POLR3H: variants seen among roughly 807,000 people sequenced by gnomAD.
POLR3H encodes the protein RNA polymerase III subunit H.
POLR3H carries 17 observed loss-of-function variants against 25.5 expected under a neutral mutation model. The ratio of observed to expected loss-of-function variants is 0.67; its 90% CI spans 0.46 to 1.00. The LOEUF (loss-of-function observed/expected upper bound fraction) is 1.00. Among genes scored for constraint, POLR3H ranks in the 50% least tolerant of loss-of-function variants. The pLI, the probability that POLR3H is intolerant of heterozygous loss-of-function variation, is 0.00. For missense variants in POLR3H, 274 were observed against 265.0 expected (o/e 1.03, Z -0.24); for synonymous variants, 129 against 103.0 (o/e 1.25, Z -1.53).
rs950851662 is a variant in POLR3H at position 41,533,537 on chromosome 22, G to A, written c.209-792C>T. On this transcript the variant is annotated intron_variant, in intron 2 of 5. Coordinates refer to ENST00000355209, the MANE Select transcript of POLR3H (RefSeq NM_001018050.4). Reference sequence around the variant, plus strand: ...CTGTACCCACCAGACAGGGCCACCGGGTCGAATCTTGCCTTCCTCAGACAG... The same window carrying A: ...CTGTACCCACCAGACAGGGCCACCGAGTCGAATCTTGCCTTCCTCAGACAG... The A allele has an allele frequency of 1.0e-5, 13 of 1,246,460 alleles. No individual in the cohort carries two copies. The African/African-American group carries it at 1.9e-4, about 18-fold the overall frequency. The allele number at this position is 1,246,460 out of a possible 1,614,324, so 77.2% of individuals were successfully genotyped here.
intron 2 of POLR3H, among the ~76,000 whole-genome samples, chr22:41,533,866 G>A (rs906410635): frequency 6.6e-6 from 1 of 152,206 alleles, no homozygotes; most frequent in African/African-American, 2.4e-5. Context: ...AGGCCGGGCG[G>A]GGTGGCTCAA....
chr22:41,536,293 G>A (rs2145558993), intron 2 of POLR3H, among the ~76,000 whole-genome samples: 1 of 151,804 alleles, frequency 6.6e-6, no homozygotes, highest in East Asian at 2.0e-4. Context: ...TACTCGGGAG[G>A]CTGAGGCAGG....
In POLR3H at chr22:41,527,835, G is replaced by T; in HGVS notation, c.*1448C>A. The T allele has an allele frequency of 6.2e-7, 1 of 1,612,080 alleles. No homozygotes were observed. Among genetic ancestry groups the T allele is most frequent in the South Asian group, 1.1e-5 (1 of 90,964 alleles). On this transcript the variant is annotated 3_prime_UTR_variant, in exon 6 of 6. Transcript: ENST00000355209. ...GGGGCATCTCCCAGAGCCCCAGATG[G>T]GTTCAGAAAATGAAGCTCTCCAGGC...
intron 1 of POLR3H, among the ~76,000 whole-genome samples, chr22:41,543,561 C>T (rs1192020330): frequency 6.6e-6 from 1 of 152,126 alleles, no homozygotes; most frequent in Non-Finnish European, 1.5e-5. Context: ...GCGGAGGTTG[C>T]AGTGAGCCGA....
In POLR3H at chr22:41,527,813, G is replaced by A; in HGVS notation, c.*1470C>T. 4 of 1,596,204 alleles carry A rather than the reference G, an allele frequency of 2.5e-6. No homozygotes were observed. In the South Asian group the frequency reaches 3.4e-5, roughly 13 times the overall value. On this transcript the variant is annotated 3_prime_UTR_variant, in exon 6 of 6. Coordinates refer to ENST00000355209, the MANE Select transcript of POLR3H (RefSeq NM_001018050.4). Reference sequence around the variant, plus strand: ...ATTGTCCCAGGCAGCAGGATTAGGGGCATCTCCCAGAGCCCCAGATGGGTT... The same window carrying A: ...ATTGTCCCAGGCAGCAGGATTAGGGACATCTCCCAGAGCCCCAGATGGGTT...
At chr22:41,529,670 G>C in intron 5 of POLR3H, 1 of 629,564 alleles carries the variant, frequency 1.6e-6, no homozygotes, top group Non-Finnish European at 3.0e-6. Context: ...ATCCAACAGG[G>C]AGCAGCCTTG....
At position 41,528,606 on chromosome 22, in the gene POLR3H, A is replaced by T; in HGVS notation, c.*677T>A. 6.2e-7 allele frequency: 1 copy of T among 1,609,284 alleles called. No homozygotes were observed. Among genetic ancestry groups the T allele is most frequent in the Non-Finnish European group, 8.5e-7 (1 of 1,179,220 alleles). ...GCCCTCAACAGAATGAAGGAACTGC[A>T]ACAGTGAGGGCAGTGCCTCCCCGCC... On this transcript the variant is annotated 3_prime_UTR_variant, in exon 6 of 6. Transcript: ENST00000355209.
At chr22:41,537,197 G>A (rs1267270832) in intron 2 of POLR3H, among the ~76,000 whole-genome samples, 1 of 152,150 alleles carries the variant, frequency 6.6e-6, no homozygotes, top group African/African-American at 2.4e-5. Context: ...CACTCCCCAC[G>A]TGCGGGGCGC....
rs1404509878 is a variant in POLR3H at position 41,540,698 on chromosome 22, C to A, written c.208+1G>T. On this transcript the variant is annotated splice_donor_variant, in intron 2 of 5. Transcript: ENST00000355209. LOFTEE classifies it high-confidence loss of function. Reference sequence around the variant, plus strand: ...ATGCCCCAGGGACAGAAGATACCCACCTTTGGTGTGTGATGCGCCATCCCC... The same window carrying A: ...ATGCCCCAGGGACAGAAGATACCCAACTTTGGTGTGTGATGCGCCATCCCC... The A allele has an allele frequency of 6.2e-7, 1 of 1,611,330 alleles. No individual in the cohort carries two copies. The highest frequency in any genetic ancestry group is 8.5e-7 in the Non-Finnish European group (1 of 1,177,620).
rs2066658074 is a variant in POLR3H at position 41,528,690 on chromosome 22, C to T, written c.*593G>A. On this transcript the variant is annotated 3_prime_UTR_variant, in exon 6 of 6. Coordinates refer to ENST00000355209, the MANE Select transcript of POLR3H (RefSeq NM_001018050.4). ...CCATCAGTGGATCCGATCCGTCCAG[C>T]CATGGCTTCCTATTCCAAGATGGTG... is the stretch of plus-strand genomic sequence containing the variant. 7 of 1,547,256 alleles carry T rather than the reference C, an allele frequency of 4.5e-6. No individual in the cohort carries two copies. In the South Asian group the frequency reaches 8.4e-5, roughly 19 times the overall value.
intron 2 of POLR3H, among the ~76,000 whole-genome samples, chr22:41,536,661 T>C (rs1277721274): frequency 2.1e-5 from 3 of 144,348 alleles, no homozygotes; most frequent in Non-Finnish European, 4.5e-5. Flanking sequence ...AGGTCAGGAG[T>C]TCAAGACTAT....
At chr22:41,538,058 T>C (rs2066876565) in intron 2 of POLR3H, among the ~76,000 whole-genome samples, 1 of 151,408 alleles carries the variant, frequency 6.6e-6, no homozygotes, top group Non-Finnish European at 1.5e-5. Flanking sequence ...CTCTGCCTCC[T>C]GGGTTCAAGC....
At chr22:41,532,040 C>CT in intron 4 of POLR3H, 54 bp downstream of exon 4, 1 of 1,553,142 alleles carries the variant, frequency 6.4e-7, no homozygotes, top group Non-Finnish European at 8.9e-7. Context: ...GGGGACCTTC[C>CT]TTTGGAGAGG....
intron 2 of POLR3H, chr22:41,533,581 G>T (rs2066787100): frequency 7.7e-7 from 1 of 1,295,782 alleles, no homozygotes; most frequent in East Asian, 5.6e-5. Context: ...CCAAACACAG[G>T]CTTCCACGAT....
chr22:41,529,541 A>T (rs2066679809), intron 5 of POLR3H: 2 of 665,852 alleles, frequency 3.0e-6, no homozygotes, highest in Non-Finnish European at 5.5e-6. Flanking sequence ...TTCTCCAGGG[A>T]CTCCAGGCCC....
At chr22:41,539,930 G>A (rs1345440906) in intron 2 of POLR3H, 6 of 155,762 alleles carry the variant, frequency 3.9e-5, no homozygotes, top group South Asian at 1.9e-4. Flanking sequence ...CTGAGTGCTC[G>A]TTAGGTGCCA....
At chr22:41,530,104 G>A (rs915048170) in intron 5 of POLR3H, among the ~76,000 whole-genome samples, 5 of 151,544 alleles carry the variant, frequency 3.3e-5, no homozygotes, top group Admixed American at 6.6e-5. Flanking sequence ...CCCCTTCCTT[G>A]ATTTCTTTCT....
chr22:41,537,486 G>C (rs992289059), intron 2 of POLR3H, among the ~76,000 whole-genome samples: 5 of 152,142 alleles, frequency 3.3e-5, no homozygotes, highest in Non-Finnish European at 5.9e-5. Context: ...ACAGGGCCTG[G>C]GGTCAGGCAT....
intron 2 of POLR3H, among the ~76,000 whole-genome samples, chr22:41,536,145 C>T (rs175919): frequency 2.0e-5 from 3 of 151,218 alleles, no homozygotes; most frequent in East Asian, 4.0e-4. Flanking sequence ...GTAATCCCAG[C>T]ACTTTGGGAG....
Sources: gnomAD v4.1 joint callset for allele counts (sites outside exome capture counted in the v4.1 genomes callset) on GRCh38, gnomAD v4.1.1 for gene constraint, MANE v1.5 for transcripts, NCBI Gene and HGNC (gene_info 2026-07-23, HGNC 2026-07-21) for gene names.